Variants in STK31 observed in about 807,000 individuals in gnomAD.
STK31 encodes serine/threonine kinase 31, also known as serine/threonine-protein kinase 31.
In STK31, 89 loss-of-function variants were observed where a neutral mutation model predicts 129.7. The ratio of observed to expected loss-of-function variants is 0.69; its 90% CI spans 0.58 to 0.82. The LOEUF (loss-of-function observed/expected upper bound fraction) is 0.82. Ranked by LOEUF, STK31 falls within the 40% of genes least tolerant of loss-of-function variation. The probability of loss-of-function intolerance (pLI) is 0.00; values close to 1 mark genes in which losing one functional copy is unlikely to be tolerated. For synonymous variants in STK31, 448 were observed against 395.3 expected, an observed-to-expected ratio of 1.13 and a Z score of -1.58; for missense variants, 1,187 against 1,176.4, an observed-to-expected ratio of 1.01 and a Z score of -0.13.
chr7:23,826,138 A>G (rs916007164), intron 23 of STK31, among the ~76,000 whole-genome samples: 1 of 152,026 alleles, frequency 6.6e-6, no homozygotes, highest in African/African-American at 2.4e-5. Flanking sequence ...GCTGAGTTCA[A>G]TTCCTGGATA....
chr7:23,781,584 C>A, intron 16 of STK31, 64 bp downstream of exon 16: 1 of 1,212,866 alleles, frequency 8.2e-7, no homozygotes, highest in Non-Finnish European at 1.2e-6. Context: ...TTTAAATACC[C>A]GTTTTATGAA....
At chr7:23,752,983 A>G in intron 9 of STK31, 151 bp downstream of exon 9, 2 of 604,008 alleles carry the variant, frequency 3.3e-6, no homozygotes, top group East Asian at 2.9e-5. Flanking sequence ...TATTTCTGAG[A>G]TGAATTTTAT....
At chr7:23,821,468 G>A (rs1342259704) in intron 23 of STK31, among the ~76,000 whole-genome samples, 2 of 152,082 alleles carry the variant, frequency 1.3e-5, no homozygotes, top group Non-Finnish European at 2.9e-5. Flanking sequence ...GCCTTCTTTT[G>A]AGAAATGTCT....
At position 23,810,636 on chromosome 7, in the gene STK31, A is replaced by G. The variant is rs1007711479; in HGVS notation, c.2761-4508A>G. On this transcript the variant is annotated intron_variant, in intron 22 of 23. Transcript: ENST00000355870. The stretch of plus-strand genomic sequence containing the variant: ...TATATATAATATATATAATAGATAT[A>G]AAATATATAAATTATATATATAAAA... Among the ~76,000 whole-genome samples the G allele has an allele frequency of 4.3e-5, 6 of 138,410 alleles. 1 individual carries two copies. Among genetic ancestry groups the G allele is most frequent in the Admixed American group, 1.6e-4 (2 of 12,588 alleles). 90.8% of individuals were successfully genotyped at this position (138,410 alleles called of 152,430 possible). A position where few individuals can be genotyped will look rare whatever the true frequency, so the allele number is the denominator to read the frequency against.
At chr7:23,744,899 G>T (rs938791927) in intron 8 of STK31, among the ~76,000 whole-genome samples, 1 of 152,222 alleles carries the variant, frequency 6.6e-6, no homozygotes. Context: ...CTGTTAGAAA[G>T]CCCAGGTTGG....
At chr7:23,792,430 T>G (rs1345631288) in intron 22 of STK31, among the ~76,000 whole-genome samples, 3 of 152,112 alleles carry the variant, frequency 2.0e-5, no homozygotes, top group Non-Finnish European at 4.4e-5. Flanking sequence ...TTGCACACTA[T>G]TAAAACTACA....
Position 23,782,203 on chromosome 7 carries a change from C to T in STK31, c.2067+683C>T, listed in dbSNP as rs373592251. ...AAGTAAAAATACTGACCGGGCATGG[C>T]GGCTCACACCTGTAGTCCCAGCACT... is the stretch of plus-strand genomic sequence containing the variant. On this transcript the variant is annotated intron_variant, in intron 16 of 23. Coordinates refer to ENST00000355870, the MANE Select transcript of STK31 (RefSeq NM_031414.5). Among the ~76,000 whole-genome samples, 260 of 151,928 alleles carry T rather than the reference C, an allele frequency of 1.7e-3. 2 individuals are homozygous for T. The highest frequency in any genetic ancestry group is 3.4e-3 in the Middle Eastern group (1 of 294).
At chr7:23,774,533 T>G (rs1202893224) in intron 15 of STK31, among the ~76,000 whole-genome samples, 2 of 152,228 alleles carry the variant, frequency 1.3e-5, no homozygotes, top group African/African-American at 4.8e-5. Context: ...TGATGACCAG[T>G]GATGATGAGC....
intron 22 of STK31, among the ~76,000 whole-genome samples, chr7:23,793,728 C>T (rs550464855): frequency 7.9e-5 from 12 of 152,228 alleles, no homozygotes; most frequent in South Asian, 2.1e-4. Flanking sequence ...TTAAAAAGAT[C>T]GTACCAACGG....
chr7:23,745,830 G>C (rs1049927791), intron 8 of STK31, among the ~76,000 whole-genome samples: 5 of 152,108 alleles, frequency 3.3e-5, no homozygotes, highest in African/African-American at 1.2e-4. Flanking sequence ...AAAATGCATG[G>C]TTGCCCTTCT....
At chr7:23,748,718 T>G (rs1788503778) in intron 8 of STK31, among the ~76,000 whole-genome samples, 2 of 152,182 alleles carry the variant, frequency 1.3e-5, no homozygotes, top group Non-Finnish European at 2.9e-5. Context: ...AACATTTTCT[T>G]TTTTTTGGCT....
chr7:23,729,345 G>A, intron 6 of STK31, 96 bp downstream of exon 6: 6 of 1,163,616 alleles, frequency 5.2e-6, no homozygotes, highest in Non-Finnish European at 6.9e-6. Flanking sequence ...TAATATAAAA[G>A]TCTGTATAAA....
chr7:23,761,581 C>T (rs564055541), intron 10 of STK31, among the ~76,000 whole-genome samples: 2 of 151,992 alleles, frequency 1.3e-5, no homozygotes, highest in African/African-American at 4.8e-5. Flanking sequence ...CCACTCTGCC[C>T]AGCTAATTTT....
rs141939583 is a variant in STK31 at position 23,715,250 on chromosome 7, A to G, written c.151-2231A>G. Among the ~76,000 whole-genome samples, 298 of 152,200 alleles carry G rather than the reference A, an allele frequency of 2.0e-3. 1 individual carries two copies. Among genetic ancestry groups the G allele is most frequent in the African/African-American group, 6.9e-3 (285 of 41,534 alleles). On this transcript the variant is annotated intron_variant, in intron 3 of 23. Transcript: ENST00000355870. ...GGCTTCTGCCTTATAAACCACTTAT[A>G]AGCAAACACTTCAGATTGGATGAGT...
At chr7:23,755,191 T>G (rs1051115968) in intron 10 of STK31, 1 of 152,228 alleles carries the variant, frequency 6.6e-6, no homozygotes, top group Non-Finnish European at 1.5e-5. Context: ...ATCGTCATTC[T>G]AACTGGTATG....
chr7:23,808,159 A>G (rs536498230), intron 22 of STK31, among the ~76,000 whole-genome samples: 2 of 113,146 alleles, frequency 1.8e-5, no homozygotes. Context: ...TAATATATAT[A>G]TATATATATA....
intron 23 of STK31, among the ~76,000 whole-genome samples, chr7:23,822,486 T>C (rs1793841781): frequency 6.6e-6 from 1 of 152,228 alleles, no homozygotes; most frequent in South Asian, 2.1e-4. Context: ...GTTGATTCTA[T>C]ATCCTGCGAT....
chr7:23,710,587 C>G (rs1785887073), intron 1 of STK31: 1 of 1,334,744 alleles, frequency 7.5e-7, no homozygotes, highest in Admixed American at 3.1e-5. Flanking sequence ...AGCCTCCACA[C>G]TCTCTTCCCC....
chr7:23,799,936 A>G (rs530341506), intron 22 of STK31, among the ~76,000 whole-genome samples: 1 of 152,366 alleles, frequency 6.6e-6, no homozygotes, highest in East Asian at 1.9e-4. Flanking sequence ...ATATAAACCG[A>G]CACTTCTCAA....
Sources: gnomAD v4.1 joint callset for allele counts (sites outside exome capture counted in the v4.1 genomes callset) on GRCh38, gnomAD v4.1.1 for gene constraint, MANE v1.5 for transcripts, NCBI Gene and HGNC (gene_info 2026-07-23, HGNC 2026-07-21) for gene names.